The following TENM4 variants were observed in gnomAD, a reference collection of about 807,000 sequenced individuals.
TENM4 encodes the protein teneurin transmembrane protein 4.
Under a neutral mutation model 243.3 loss-of-function variants are expected in TENM4, and 82 were observed. The ratio of observed to expected loss-of-function variants is 0.34; its 90% CI spans 0.28 to 0.40. The LOEUF (loss-of-function observed/expected upper bound fraction) is 0.40, where lower values mean the gene tolerates loss of function less well. TENM4 is among the 10% of genes least tolerant of loss of function. The pLI is 1.00. For missense variants in TENM4, 3,138 were observed against 3,673.3 expected, an observed-to-expected ratio of 0.85 and a Z score of 3.77; for synonymous variants, 1,412 against 1,456.3, an observed-to-expected ratio of 0.97 and a Z score of 0.69.
At chr11:78,997,927 CTCTCTCT>C (rs1858217535) in intron 6 of TENM4, among the ~76,000 whole-genome samples, 1 of 152,170 alleles carries the variant, frequency 6.6e-6, no homozygotes, top group Admixed American at 6.5e-5. Flanking sequence ...GAAGTCTTCT[CTCTCTCT>C]TCTCTCTTTC....
chr11:79,176,940 G>A (rs957856590), intron 3 of TENM4, among the ~76,000 whole-genome samples: 13 of 152,102 alleles, frequency 8.5e-5, no homozygotes, highest in African/African-American at 3.1e-4. Context: ...TTGGTTTTCT[G>A]ATTGAAAGGA....
chr11:79,031,966 G>A (rs555835464), intron 6 of TENM4, among the ~76,000 whole-genome samples: 17 of 152,282 alleles, frequency 1.1e-4, no homozygotes, highest in East Asian at 1.9e-4. Flanking sequence ...ACAACAAAGC[G>A]TTGTCTGGCT....
chr11:79,325,094 A>G (rs1856951803), intron 1 of TENM4, among the ~76,000 whole-genome samples: 1 of 152,150 alleles, frequency 6.6e-6, no homozygotes, highest in Admixed American at 6.5e-5. Context: ...GAATATTCCA[A>G]CGTTGGCACG....
Position 78,814,388 on chromosome 11 carries a change from C to G in TENM4, c.1689G>C (p.Val563=). Residue 563 remains valine (V), a synonymous_variant, in exon 13 of 34, where the codon GTG becomes GTC. Coordinates refer to ENST00000278550, the MANE Select transcript of TENM4 (RefSeq NM_001098816.3). ...VSFLTTAIES[V]DNCPSNCYGN... ...CATAGCAGTTGCTGGGGCAGTTATC[C>G]ACCGACTCTGGGGAGAGAAAGGAGA... The G allele has an allele frequency of 6.5e-7, 1 of 1,549,370 alleles. No individual in the cohort carries two copies.
At chr11:78,691,375 G>A (rs988209937) in intron 28 of TENM4, among the ~76,000 whole-genome samples, 1 of 152,218 alleles carries the variant, frequency 6.6e-6, no homozygotes, top group Non-Finnish European at 1.5e-5. Context: ...ATGAATGCAG[G>A]ATTGGATGTG....
At chr11:78,868,305 C>A (rs1199059549) in intron 9 of TENM4, among the ~76,000 whole-genome samples, 2 of 152,078 alleles carry the variant, frequency 1.3e-5, no homozygotes, top group Non-Finnish European at 2.9e-5. Flanking sequence ...TCAAAGTGAC[C>A]TAGATAAGTA....
Position 78,657,890 on chromosome 11 carries a change from C to G in TENM4, c.*168G>C, listed in dbSNP as rs1396540368. On this transcript the variant is annotated 3_prime_UTR_variant, in exon 34 of 34. Coordinates refer to ENST00000278550, the MANE Select transcript of TENM4 (RefSeq NM_001098816.3). ...TGCAAAAAATGTGCGAAGGCCAAAT[C>G]TGTGTTTTTCTTTTCTAAAAAAAAG... 6 of 1,115,874 alleles carry G rather than the reference C, an allele frequency of 5.4e-6. No homozygotes were observed. 69.1% of individuals were successfully genotyped at this position (1,115,874 alleles called of 1,614,324 possible).
chr11:78,868,829 A>T (rs1859051933), intron 9 of TENM4, among the ~76,000 whole-genome samples: 1 of 152,142 alleles, frequency 6.6e-6, no homozygotes. Flanking sequence ...GGAACTGTTG[A>T]TTCAAGTGGC....
At chr11:79,248,699 A>G (rs920274756) in intron 2 of TENM4, among the ~76,000 whole-genome samples, 1 of 152,246 alleles carries the variant, frequency 6.6e-6, no homozygotes, top group Admixed American at 6.5e-5. Context: ...TGAGTTATGA[A>G]GTGCACTTAA....
chr11:78,760,050 T>G (rs923072886), intron 18 of TENM4, among the ~76,000 whole-genome samples: 2 of 152,180 alleles, frequency 1.3e-5, no homozygotes, highest in African/African-American at 4.8e-5. Context: ...AATATTGTAA[T>G]TTTGATTTTC....
chr11:78,972,071 T>A (rs562004394), intron 6 of TENM4, among the ~76,000 whole-genome samples: 38 of 152,376 alleles, frequency 2.5e-4, no homozygotes, highest in Non-Finnish European at 1.3e-4. Context: ...CCTGATTTTT[T>A]AAAATATATT....
intron 4 of TENM4, among the ~76,000 whole-genome samples, chr11:79,070,262 G>C (rs974066202): frequency 1.3e-5 from 2 of 152,128 alleles, no homozygotes; most frequent in Non-Finnish European, 2.9e-5. Flanking sequence ...GATGGGCACC[G>C]AGGAAGCTGA....
At chr11:79,156,908 A>T (rs901559978) in intron 3 of TENM4, among the ~76,000 whole-genome samples, 1 of 152,216 alleles carries the variant, frequency 6.6e-6, no homozygotes, top group Non-Finnish European at 1.5e-5. Context: ...TTTTAAAAAT[A>T]TATGACAAAG....
In TENM4 at chr11:79,069,571, A is replaced by G. The variant is rs1337876294; in HGVS notation, c.223+151T>C. ...GGCTTTTTACCAGGTCCAAGTGCCCAAATGGCAGAAACTTGCTGTTGATAT... is the reference window on the plus strand; with the variant it reads ...GGCTTTTTACCAGGTCCAAGTGCCCGAATGGCAGAAACTTGCTGTTGATAT... On this transcript the variant is annotated intron_variant, in intron 5 of 33. Transcript: ENST00000278550. 18 of 1,086,490 alleles carry G rather than the reference A, an allele frequency of 1.7e-5. No individual in the cohort carries two copies. In the East Asian group the frequency reaches 3.2e-4, roughly 19 times the overall value. The allele number at this position is 1,086,490 out of a possible 1,614,324, so 67.3% of individuals were successfully genotyped here. A position where few individuals can be genotyped will look rare whatever the true frequency, so the allele number is the denominator to read the frequency against.
intron 1 of TENM4, among the ~76,000 whole-genome samples, chr11:79,331,022 C>T (rs543983697): frequency 6.6e-6 from 1 of 152,172 alleles, no homozygotes; most frequent in Non-Finnish European, 1.5e-5. Flanking sequence ...TTTCCCTCTC[C>T]TGGCCAGGAA....
At chr11:79,314,876 G>C (rs1856779172) in intron 1 of TENM4, among the ~76,000 whole-genome samples, 1 of 152,198 alleles carries the variant, frequency 6.6e-6, no homozygotes, top group African/African-American at 2.4e-5. Flanking sequence ...GATTTAACTG[G>C]TCTGTGTGAG....
intron 4 of TENM4, among the ~76,000 whole-genome samples, chr11:79,105,312 C>A (rs949145700): frequency 2.6e-5 from 4 of 152,204 alleles, no homozygotes; most frequent in Non-Finnish European, 2.9e-5. Context: ...CCTGTGTGCT[C>A]AAGCAAATCC....
At position 78,989,686 on chromosome 11, in the gene TENM4, C is replaced by T. The variant is rs1054046975; in HGVS notation, c.493+75052G>A. 2.6e-5 allele frequency among the ~76,000 whole-genome samples: 4 copies of T among 152,136 alleles called. No homozygotes were observed. In the East Asian group the frequency reaches 7.7e-4, roughly 29 times the overall value. The stretch of plus-strand genomic sequence containing the variant: ...CCATTCCTTTCGTCCCAGGTAGAGC[C>T]GTCCCTGGATGCTCCCTCTCTTCGG... On this transcript the variant is annotated intron_variant, in intron 6 of 33. Coordinates refer to ENST00000278550, the MANE Select transcript of TENM4 (RefSeq NM_001098816.3).
chr11:79,161,842 A>T (rs1862752225), intron 3 of TENM4, among the ~76,000 whole-genome samples: 1 of 152,224 alleles, frequency 6.6e-6, no homozygotes, highest in African/African-American at 2.4e-5. Flanking sequence ...ACATGGGTTG[A>T]GTACTAACTC....
Sources: gnomAD v4.1 joint callset for allele counts (sites outside exome capture counted in the v4.1 genomes callset) on GRCh38, gnomAD v4.1.1 for gene constraint, MANE v1.5 for transcripts, NCBI Gene and HGNC (gene_info 2026-07-23, HGNC 2026-07-21) for gene names.